Variants in CLMN observed in about 807,000 individuals in gnomAD.
CLMN encodes the protein calmin.
A neutral mutation model predicts 92.7 loss-of-function variants in CLMN; 57 were observed. The observed-to-expected ratio is 0.61, with a 90% CI of 0.50 to 0.77. The LOEUF (loss-of-function observed/expected upper bound fraction) is 0.77, where lower values mean the gene tolerates loss of function less well. CLMN is among the 30% of genes least tolerant of loss of function. The pLI, the probability that CLMN is intolerant of heterozygous loss-of-function variation, is 0.00. For synonymous variants in CLMN, 466 were observed against 470.6 expected (o/e 0.99, Z 0.13); for missense variants, 1,158 against 1,237.5 (o/e 0.94, Z 0.96).
intron 1 of CLMN, among the ~76,000 whole-genome samples, chr14:95,287,886 A>G (rs1244629077): frequency 1.3e-5 from 2 of 151,996 alleles, no homozygotes; most frequent in African/African-American, 2.4e-5. Flanking sequence ...CTCTCAACCA[A>G]CCCACCGTAA....
intron 1 of CLMN, among the ~76,000 whole-genome samples, chr14:95,304,754 C>T (rs545879774): frequency 1.3e-5 from 2 of 152,150 alleles, no homozygotes; most frequent in South Asian, 4.2e-4. Context: ...CCAATGCCTC[C>T]CAAGCCCACT....
chr14:95,307,103 C>T (rs1344041953), intron 1 of CLMN, among the ~76,000 whole-genome samples: 1 of 152,180 alleles, frequency 6.6e-6, no homozygotes, highest in African/African-American at 2.4e-5. Context: ...TATGACCTCA[C>T]TGAATGTTCT....
chr14:95,255,100 T>G (rs2140686318), intron 1 of CLMN, among the ~76,000 whole-genome samples: 1 of 152,286 alleles, frequency 6.6e-6, no homozygotes, highest in African/African-American at 2.4e-5. Context: ...CAGGGGTGCA[T>G]GCACAGAGAG....
intron 1 of CLMN, among the ~76,000 whole-genome samples, chr14:95,252,038 TC>T (rs1477577270): frequency 6.6e-6 from 1 of 152,198 alleles, no homozygotes; most frequent in East Asian, 1.9e-4. Flanking sequence ...GCTCTGCGCC[TC>T]TTCCTTCCAG....
Position 95,196,678 on chromosome 14 carries a change from T to A in CLMN, c.2528A>T (p.Asn843Ile). The A allele has an allele frequency of 1.2e-6, 2 of 1,612,944 alleles. No individual in the cohort carries two copies. Among genetic ancestry groups the A allele is most frequent in the South Asian group, 1.1e-5 (1 of 90,922 alleles). Residue 843 changes from asparagine (N) to isoleucine (I), a missense_variant, in exon 10 of 13, where the codon AAC (asparagine) becomes ATC (isoleucine). Coordinates refer to ENST00000298912, the MANE Select transcript of CLMN (RefSeq NM_024734.4). ...TAGGGGGTTTGCTATGTTTTCCAGG[T>A]TTGGGGATTCCTGGGACTGAAAGAC... Reference protein sequence around the residue: ...MDSHQSQESPNLENIANPLEE... With the variant: ...MDSHQSQESPILENIANPLEE...
chr14:95,236,256 C>T (rs1898051945), intron 1 of CLMN, among the ~76,000 whole-genome samples: 1 of 152,236 alleles, frequency 6.6e-6, no homozygotes, highest in Non-Finnish European at 1.5e-5. Flanking sequence ...GGTGCACCTC[C>T]CACTGTTCTG....
intron 1 of CLMN, among the ~76,000 whole-genome samples, chr14:95,243,873 G>T (rs1168909257): frequency 6.6e-6 from 1 of 152,146 alleles, no homozygotes; most frequent in Non-Finnish European, 1.5e-5. Context: ...ATGTCAAATT[G>T]TGATCCCTAA....
intron 6 of CLMN, among the ~76,000 whole-genome samples, chr14:95,212,872 G>A (rs139212632): frequency 9.0e-4 from 134 of 148,332 alleles, no homozygotes; most frequent in African/African-American, 3.1e-3. Flanking sequence ...TGCAAGCTCC[G>A]CCTCCCAGGT....
chr14:95,307,218 A>G (rs10140243), intron 1 of CLMN, among the ~76,000 whole-genome samples: 14,029 of 152,020 alleles, frequency 0.092, 936 homozygotes, highest in African/African-American at 0.19. Context: ...CTCAAATCCA[A>G]CTCTGCCAAA....
At chr14:95,296,677 T>C (rs1195951623) in intron 1 of CLMN, among the ~76,000 whole-genome samples, 1 of 152,240 alleles carries the variant, frequency 6.6e-6, no homozygotes, top group Non-Finnish European at 1.5e-5. Flanking sequence ...AATGTTAATG[T>C]AACGGCTGGA....
chr14:95,202,533 C>G (rs961000985), intron 9 of CLMN, among the ~76,000 whole-genome samples: 1 of 152,190 alleles, frequency 6.6e-6, no homozygotes, highest in African/African-American at 2.4e-5. Context: ...ATTTCTGCCC[C>G]TCCTCTGCTG....
intron 1 of CLMN, among the ~76,000 whole-genome samples, chr14:95,255,181 CT>C (rs1898947214): frequency 6.6e-6 from 1 of 152,172 alleles, no homozygotes; most frequent in Non-Finnish European, 1.5e-5. Flanking sequence ...AGGAAGCCCC[CT>C]GCCGGCACCT....
chr14:95,211,482 G>C (rs1393075745), intron 6 of CLMN, among the ~76,000 whole-genome samples: 1 of 152,144 alleles, frequency 6.6e-6, no homozygotes, highest in Non-Finnish European at 1.5e-5. Flanking sequence ...CATTGTAAAA[G>C]TGAGGGGCAG....
chr14:95,293,115 C>CCTT (rs141651294), intron 1 of CLMN, among the ~76,000 whole-genome samples: 28 of 127,764 alleles, frequency 2.2e-4, no homozygotes, highest in African/African-American at 5.6e-4. Flanking sequence ...CCCTCCCCTC[C>CCTT]CTTCCCTCCT....
intron 1 of CLMN, among the ~76,000 whole-genome samples, chr14:95,258,455 G>A (rs1206127728): frequency 6.6e-6 from 1 of 150,428 alleles, no homozygotes; most frequent in Non-Finnish European, 1.5e-5. Context: ...GTTGTGTGTG[G>A]AGGGTGTGTT....
chr14:95,258,492 T>G (rs369480791), intron 1 of CLMN, among the ~76,000 whole-genome samples: 1 of 144,238 alleles, frequency 6.9e-6, no homozygotes, highest in South Asian at 2.3e-4. Flanking sequence ...ATCTGTGGTG[T>G]GTGTGTTGAG....
Position 95,319,693 on chromosome 14 carries a change from G to C in CLMN, c.82+18C>G, listed in dbSNP as rs770448958. 1 of 1,588,442 alleles carries C rather than the reference G, an allele frequency of 6.3e-7. No homozygotes were observed. Among genetic ancestry groups the C allele is most frequent in the South Asian group, 1.1e-5 (1 of 90,012 alleles). On this transcript the variant is annotated intron_variant, in intron 1 of 12. Transcript: ENST00000298912. ...CCCGAGCGCCCAGCCATCCCGGGGC[G>C]AGCCTGGGCTGCGTTACCTTGCAGG... is the stretch of plus-strand genomic sequence containing the variant.
At chr14:95,228,279 T>C (rs1897773744) in intron 2 of CLMN, among the ~76,000 whole-genome samples, 1 of 152,222 alleles carries the variant, frequency 6.6e-6, no homozygotes, top group African/African-American at 2.4e-5. Context: ...GATCTCAGGT[T>C]TGGGGACAAG....
At chr14:95,277,206 A>G (rs1172539063) in intron 1 of CLMN, among the ~76,000 whole-genome samples, 1 of 152,208 alleles carries the variant, frequency 6.6e-6, no homozygotes, top group Admixed American at 6.5e-5. Context: ...AATTTGGTGA[A>G]CTTTGTGCTA....
Sources: allele counts gnomAD v4.1 joint callset (sites outside exome capture counted in the v4.1 genomes callset), GRCh38; gene constraint gnomAD v4.1.1; transcripts MANE v1.5; gene names NCBI Gene and HGNC (gene_info 2026-07-23, HGNC 2026-07-21).